ABCC1: variants seen among roughly 807,000 people sequenced by gnomAD.
ABCC1 encodes ATP binding cassette subfamily C member 1 (ABCC1 blood group), also known as multidrug resistance-associated protein 1.
A neutral mutation model predicts 172.9 loss-of-function variants in ABCC1; 83 were observed. The ratio of observed to expected loss-of-function variants is 0.48; its 90% CI spans 0.40 to 0.58. The LOEUF (loss-of-function observed/expected upper bound fraction) is 0.58. ABCC1 is among the 20% of genes least tolerant of loss of function. ABCC1 has a pLI of 0.00. For synonymous variants in ABCC1, 937 were observed against 825.2 expected (o/e 1.14, Z -2.32); for missense variants, 1,817 against 2,002.7 (o/e 0.91, Z 1.77).
In ABCC1 at chr16:16,105,084, C is replaced by T. The variant is rs979287924; in HGVS notation, c.2736-1654C>T. On this transcript the variant is annotated intron_variant, in intron 20 of 30. Transcript: ENST00000399410. Reference sequence around the variant, plus strand: ...CCAGAAAGGGGCTCCCACAGTGCAGCGGCGGGCTGAAGGGCTCCTCAAGCG... The same window carrying T: ...CCAGAAAGGGGCTCCCACAGTGCAGTGGCGGGCTGAAGGGCTCCTCAAGCG... Among the ~76,000 whole-genome samples, 10 of 152,340 alleles carry T rather than the reference C, an allele frequency of 6.6e-5. No homozygotes were observed. The South Asian group carries it at 1.5e-3, about 22-fold the overall frequency.
chr16:16,128,043 C>A (rs1325656144), intron 26 of ABCC1, among the ~76,000 whole-genome samples: 1 of 150,422 alleles, frequency 6.6e-6, no homozygotes, highest in Non-Finnish European at 1.5e-5. Flanking sequence ...GCCTCAGCCT[C>A]CCAATTAGCT....
intron 12 of ABCC1, among the ~76,000 whole-genome samples, chr16:16,061,960 A>AT (rs2049935551): frequency 6.6e-6 from 1 of 151,948 alleles, no homozygotes; most frequent in Admixed American, 6.6e-5. Context: ...TTTTGCAGAG[A>AT]CAGGGTCTCA....
intron 1 of ABCC1, among the ~76,000 whole-genome samples, chr16:15,977,133 G>T (rs1379964551): frequency 6.6e-6 from 1 of 152,202 alleles, no homozygotes; most frequent in East Asian, 1.9e-4. Flanking sequence ...GGAGACTGGG[G>T]TGTCTCCGAA....
chr16:16,118,883 T>TAAAAAAAAAAAA, intron 23 of ABCC1, among the ~76,000 whole-genome samples: 1 of 118,446 alleles, frequency 8.4e-6, no homozygotes, highest in Non-Finnish European at 1.7e-5. Flanking sequence ...AAGTGTATAT[T>TAAAAAAAAAAAA]AAAAAAAAAA....
Position 16,138,572 on chromosome 16 carries a change from C to T in ABCC1, c.4487+14C>T, listed in dbSNP as rs2046006903. 5 of 1,559,336 alleles carry T rather than the reference C, an allele frequency of 3.2e-6. No homozygotes were observed. Among genetic ancestry groups the T allele is most frequent in the Non-Finnish European group, 4.4e-6 (5 of 1,143,958 alleles). On this transcript the variant is annotated intron_variant, in intron 30 of 30. Coordinates refer to ENST00000399410, the MANE Select transcript of ABCC1 (RefSeq NM_004996.4). ...GGACTACACAAGGTGATGCCACTGG[C>T]ACAGTGGCCTCTAGGCTTTGGGAGT... is the stretch of plus-strand genomic sequence containing the variant.
At chr16:16,061,319 C>T (rs2049901236) in intron 12 of ABCC1, among the ~76,000 whole-genome samples, 2 of 152,344 alleles carry the variant, frequency 1.3e-5, no homozygotes, top group Non-Finnish European at 2.9e-5. Flanking sequence ...GGACTTCGCA[C>T]GTGGCCACCT....
intron 1 of ABCC1, among the ~76,000 whole-genome samples, chr16:15,965,175 T>G (rs1597057663): frequency 6.6e-6 from 1 of 152,216 alleles, no homozygotes. Flanking sequence ...CCACGTAACC[T>G]TTTTAATTAA....
At chr16:15,984,326 A>G (rs2046695965) in intron 1 of ABCC1, among the ~76,000 whole-genome samples, 2 of 152,212 alleles carry the variant, frequency 1.3e-5, no homozygotes, top group East Asian at 1.9e-4. Flanking sequence ...AAAAGCAGAC[A>G]AGTAAGAATT....
chr16:15,997,897 T>C (rs183662040), intron 1 of ABCC1, among the ~76,000 whole-genome samples: 307 of 132,964 alleles, frequency 2.3e-3, no homozygotes, highest in African/African-American at 8.3e-3. Context: ...CACTGCAACC[T>C]CCACCTCCTG....
rs768836070 is a variant in ABCC1, at chr16:16,141,240, G to A, written c.4555G>A (p.Gly1519Ser). The A allele has an allele frequency of 1.1e-5, 17 of 1,613,948 alleles. No homozygotes were observed. In the Admixed American group the frequency reaches 2.7e-4, roughly 25 times the overall value. The part of the protein sequence containing the change: ...GAPSDLLQQR[G>S]LFYSMAKDAG... The stretch of plus-strand genomic sequence containing the variant: ...CCCATCGGACCTCCTGCAGCAGAGA[G>A]GTCTTTTCTACAGCATGGCCAAAGA... The change falls in exon 31 of 31, where the codon GGT becomes AGT. Residue 1519 changes from glycine to serine, a missense_variant. Physicochemically the swap from Gly to Ser is moderately conservative, Grantham distance 56. This residue lies in a region of ABCC1 where 1,412 missense variants were observed against 1,600.3 expected (regional missense o/e 0.88). Transcript: ENST00000399410.
chr16:16,076,363 A>C lies in ABCC1; in HGVS notation c.1950A>C (p.Thr650=). The C allele has an allele frequency of 6.2e-7, 1 of 1,612,248 alleles. No homozygotes were observed. The highest frequency in any genetic ancestry group is 8.5e-7 in the Non-Finnish European group (1 of 1,179,210). ...GTNSITVRNA[T]FTWARSDPPT... is the part of the protein sequence containing the mutation. ...ACAGCATCACCGTGAGGAATGCCAC[A>C]TTCACCTGGGCCAGGAGCGACCCTC... Residue 650 remains threonine, a synonymous_variant, in exon 15 of 31, where the codon ACA becomes ACC. Coordinates refer to ENST00000399410, the MANE Select transcript of ABCC1 (RefSeq NM_004996.4).
At chr16:15,974,196 G>T (rs570203702) in intron 1 of ABCC1, among the ~76,000 whole-genome samples, 5 of 152,286 alleles carry the variant, frequency 3.3e-5, no homozygotes, top group Middle Eastern at 3.4e-3. Flanking sequence ...ACATGCTTTG[G>T]AAAGGGCTGT....
intron 16 of ABCC1, 21 bp downstream of exon 16, chr16:16,079,499 G>A (rs1030198241): frequency 2.6e-5 from 42 of 1,598,160 alleles, no homozygotes; most frequent in Non-Finnish European, 3.6e-5. Context: ...GACCAGCGGG[G>A]AGGGGCAGTG....
chr16:16,046,655 C>T (rs2049222286), intron 9 of ABCC1, among the ~76,000 whole-genome samples: 1 of 152,036 alleles, frequency 6.6e-6, no homozygotes, highest in Non-Finnish European at 1.5e-5. Flanking sequence ...TGTTGTCACT[C>T]TTAATTTGAA....
At chr16:16,103,780 A>G (rs929689964) in intron 20 of ABCC1, among the ~76,000 whole-genome samples, 1 of 152,174 alleles carries the variant, frequency 6.6e-6, no homozygotes, top group Non-Finnish European at 1.5e-5. Context: ...CACTTCGTAG[A>G]TGTCGCTTTT....
intron 1 of ABCC1, among the ~76,000 whole-genome samples, chr16:15,989,769 C>A (rs1289259693): frequency 6.6e-6 from 1 of 152,172 alleles, no homozygotes; most frequent in African/African-American, 2.4e-5. Flanking sequence ...GGAATCATTA[C>A]AGTACCTTCC....
At position 16,036,485 on chromosome 16, in the gene ABCC1, G is replaced by T. The variant is rs201704029; in HGVS notation, c.691G>T (p.Gly231Cys). ...TCTTGGCCCCAGGTTGATTGTCCGG[G>T]GCTACCGCCAGCCCCTGGAGGGCAG... is the stretch of plus-strand genomic sequence containing the variant. ...FWWITGLIVR[G>C]YRQPLEGSDL... Residue 231 changes from glycine (G) to cysteine (C), a missense_variant, in exon 7 of 31, where the codon GGC becomes TGC. Gly to Cys is a radical substitution (Grantham distance 159). This residue lies in a region of ABCC1 where 398 missense variants were observed against 384.2 expected (regional missense o/e 1.04). Coordinates refer to ENST00000399410, the MANE Select transcript of ABCC1 (RefSeq NM_004996.4). 3.3e-4 allele frequency: 531 copies of T among 1,613,514 alleles called. No homozygotes were observed. The highest frequency in any genetic ancestry group is 3.9e-4 in the Non-Finnish European group (463 of 1,179,754).
At chr16:16,109,144 C>T (rs1196451123) in intron 21 of ABCC1, among the ~76,000 whole-genome samples, 1 of 152,130 alleles carries the variant, frequency 6.6e-6, no homozygotes, top group Non-Finnish European at 1.5e-5. Context: ...TCACCTGTTA[C>T]CTTTCAGCTA....
intron 23 of ABCC1, among the ~76,000 whole-genome samples, chr16:16,117,905 A>G (rs1238091825): frequency 1.3e-5 from 2 of 151,472 alleles, no homozygotes; most frequent in South Asian, 2.1e-4. Flanking sequence ...TACTCTGTCT[A>G]AAAAAAAACA....
Sources: gnomAD v4.1 joint callset for allele counts (sites outside exome capture counted in the v4.1 genomes callset) on GRCh38, gnomAD v4.1.1 for gene constraint, gnomAD v4.1.1 regional missense constraint, MANE v1.5 for transcripts, NCBI Gene and HGNC (gene_info 2026-07-23, HGNC 2026-07-21) for gene names.